Variants in COL4A4 observed in about 807,000 individuals in gnomAD.
The protein encoded by COL4A4 is collagen type IV alpha 4 chain.
COL4A4 carries 105 observed loss-of-function variants against 192.9 expected under a neutral mutation model. That is an observed-to-expected ratio of 0.54 (90% CI 0.46 to 0.64). COL4A4 has a LOEUF of 0.64. COL4A4 is among the 30% of genes least tolerant of loss of function. COL4A4 has a pLI of 0.00. For missense variants in COL4A4, 1,967 were observed against 2,169.3 expected (o/e 0.91, Z 1.85); for synonymous variants, 762 against 769.9 (o/e 0.99, Z 0.17).
chr2:227,097,239 C>G (rs1016548679), intron 19 of COL4A4, among the ~76,000 whole-genome samples: 19 of 152,146 alleles, frequency 1.2e-4, no homozygotes, highest in Admixed American at 2.6e-4. Context: ...GTCCACCCAA[C>G]TGTAGAGCAT....
chr2:226,978,612 A>G, the COL4A4 span, among the ~76,000 whole-genome samples: 2 of 152,196 alleles, frequency 1.3e-5, no homozygotes, highest in South Asian at 4.1e-4. Flanking sequence ...CCAGGCATAG[A>G]ATGTGGACAT....
chr2:226,969,051 G>A, the COL4A4 span: 1 of 208,870 alleles, frequency 4.8e-6, no homozygotes, highest in Non-Finnish European at 1.0e-5. Context: ...GGATAAACAA[G>A]GTGTTGCTTT....
At position 227,012,309 on chromosome 2, in the gene COL4A4, T is replaced by G; in HGVS notation, c.4217-12A>C. 1.2e-6 allele frequency: 2 copies of G among 1,605,302 alleles called. No individual in the cohort carries two copies. Among genetic ancestry groups the G allele is most frequent in the East Asian group, 2.2e-5 (1 of 44,826 alleles). The stretch of plus-strand genomic sequence containing the variant: ...CTCTCCTTTGCACCCTGCACAAAAG[T>G]TTATGATGCTGGTGGTGAAAGCAAC... On this transcript the variant is annotated splice_polypyrimidine_tract_variant and intron_variant, in intron 44 of 47. Coordinates refer to ENST00000396625, the MANE Select transcript of COL4A4 (RefSeq NM_000092.5).
intron 23 of COL4A4, among the ~76,000 whole-genome samples, chr2:227,081,547 G>A (rs2059326428): frequency 6.6e-6 from 1 of 152,164 alleles, no homozygotes; most frequent in Non-Finnish European, 1.5e-5. Context: ...TTTTGGGGCT[G>A]AGCCACTACT....
chr2:227,058,882 C>T (rs1313214746), intron 28 of COL4A4, among the ~76,000 whole-genome samples: 1 of 149,474 alleles, frequency 6.7e-6, no homozygotes, highest in Non-Finnish European at 1.5e-5. Context: ...AATCAGTGTC[C>T]AGGCCATCTT....
At chr2:227,079,724 A>T (rs950267772) in intron 24 of COL4A4, among the ~76,000 whole-genome samples, 5 of 152,210 alleles carry the variant, frequency 3.3e-5, no homozygotes, top group African/African-American at 1.2e-4. Context: ...ATCAGATGCT[A>T]AGCCTCCATT....
At chr2:226,988,253 T>C in the COL4A4 span, 1 of 1,369,138 alleles carries the variant, frequency 7.3e-7, no homozygotes, top group Non-Finnish European at 9.9e-7. Flanking sequence ...GTAGGACTCA[T>C]ATCAGGGCCC....
At chr2:227,151,673 A>G (rs1386743935) in intron 1 of COL4A4, among the ~76,000 whole-genome samples, 2 of 152,160 alleles carry the variant, frequency 1.3e-5, no homozygotes, top group African/African-American at 2.4e-5. Flanking sequence ...TTAACCCCCA[A>G]TGTGTTGGTA....
intron 4 of COL4A4, among the ~76,000 whole-genome samples, chr2:227,129,909 CATT>C (rs1454907748): frequency 1.3e-5 from 2 of 151,810 alleles, no homozygotes; most frequent in African/African-American, 2.4e-5. Flanking sequence ...ATTCTTAATC[CATT>C]ATTATTATCA....
rs1217346113 is a variant in COL4A4 at position 227,118,576 on chromosome 2, A to G, written c.489+69T>C. 27 of 1,180,622 alleles carry G rather than the reference A, an allele frequency of 2.3e-5. No homozygotes were observed. In the Admixed American group the frequency reaches 4.5e-4, roughly 20 times the overall value. 73.1% of individuals were successfully genotyped at this position (1,180,622 alleles called of 1,614,324 possible). The stretch of plus-strand genomic sequence containing the variant: ...TGTATTAACTCTGTTTCTTGAATAC[A>G]TCAAGCCTGTTCCACCACAGGGCCT... On this transcript the variant is annotated intron_variant, in intron 7 of 47. Coordinates refer to ENST00000396625, the MANE Select transcript of COL4A4 (RefSeq NM_000092.5).
chr2:227,118,339 T>G (rs2061598858), intron 7 of COL4A4, among the ~76,000 whole-genome samples: 1 of 152,144 alleles, frequency 6.6e-6, no homozygotes, highest in South Asian at 2.1e-4. Flanking sequence ...TACTATCTAT[T>G]CTCTTCACAG....
chr2:227,118,326 C>A (rs576525682), intron 7 of COL4A4, among the ~76,000 whole-genome samples: 1 of 152,170 alleles, frequency 6.6e-6, no homozygotes, highest in African/African-American at 2.4e-5. Context: ...GCTCTTTTTT[C>A]CCTACTATCT....
At position 227,067,330 on chromosome 2, in the gene COL4A4, T is replaced by C. The variant is rs2058409100; in HGVS notation, c.1988-4732A>G. 4.6e-5 allele frequency among the ~76,000 whole-genome samples: 7 copies of C among 152,024 alleles called. No homozygotes were observed. The South Asian group carries it at 6.2e-4, about 14-fold the overall frequency. On this transcript the variant is annotated intron_variant, in intron 25 of 47. Transcript: ENST00000396625. ...CAACGAGACAGAAAGTCAACAAGGA[T>C]ACACAGGAATTGAACTCAGCTCTGC...
intron 41 of COL4A4, 39 bp from the exon 42 acceptor site, chr2:227,028,048 A>G (rs1205306713): frequency 3.0e-6 from 4 of 1,312,362 alleles, no homozygotes; most frequent in Non-Finnish European, 4.3e-6. Context: ...GGGCACTGGA[A>G]TGAGACAAGA....
intron 16 of COL4A4, 118 bp from the exon 17 acceptor site, chr2:227,101,675 G>C: frequency 8.9e-7 from 1 of 1,117,644 alleles, no homozygotes; most frequent in East Asian, 2.6e-5. Flanking sequence ...TCTTAACACT[G>C]TTCATCAGTT....
At chr2:227,043,638 T>C (rs1971892924) in intron 35 of COL4A4, among the ~76,000 whole-genome samples, 1 of 152,206 alleles carries the variant, frequency 6.6e-6, no homozygotes, top group Non-Finnish European at 1.5e-5. Flanking sequence ...GTTTCTCCTA[T>C]TAAATTGTTT....
rs564449385 is a variant in COL4A4 at position 227,049,741 on chromosome 2, C to T, written c.3214+327G>A. ...TAGGGTTTCTAAGCCAAAGTGGGCACGGCCCACTGACATGGATCTGTTCTC... is the reference window on the plus strand; with the variant it reads ...TAGGGTTTCTAAGCCAAAGTGGGCATGGCCCACTGACATGGATCTGTTCTC... On this transcript the variant is annotated intron_variant, in intron 34 of 47. Transcript: ENST00000396625. Among the ~76,000 whole-genome samples, 9 of 152,292 alleles carry T rather than the reference C, an allele frequency of 5.9e-5. No individual in the cohort carries two copies. In the East Asian group the frequency reaches 1.4e-3, roughly 23 times the overall value.
chr2:227,143,426 A>G (rs779849751), intron 3 of COL4A4, among the ~76,000 whole-genome samples: 2 of 152,224 alleles, frequency 1.3e-5, no homozygotes, highest in Non-Finnish European at 2.9e-5. Context: ...TCCCACAGAC[A>G]TCGCATCGAT....
At chr2:227,118,293 A>G (rs1375027141) in intron 7 of COL4A4, among the ~76,000 whole-genome samples, 2 of 152,144 alleles carry the variant, frequency 1.3e-5, no homozygotes, top group African/African-American at 4.8e-5. Context: ...TAAACAATTT[A>G]CATTTTGCTA....
Sources: gnomAD v4.1 joint callset for allele counts (sites outside exome capture counted in the v4.1 genomes callset) on GRCh38, gnomAD v4.1.1 for gene constraint, MANE v1.5 for transcripts, NCBI Gene and HGNC (gene_info 2026-07-23, HGNC 2026-07-21) for gene names.